TMEM240: variants seen among roughly 807,000 people sequenced by gnomAD.
TMEM240 encodes the protein transmembrane protein C1orf70.
A neutral mutation model predicts 19.5 loss-of-function variants in TMEM240; 3 were observed. The observed-to-expected ratio is 0.15, with a 90% CI of 0.07 to 0.40. The LOEUF is 0.40. Among genes scored for constraint, TMEM240 ranks in the 10% least tolerant of loss-of-function variants. The pLI, the probability that TMEM240 is intolerant of heterozygous loss-of-function variation, is 1.00. For missense variants in TMEM240, 210 were observed against 253.5 expected, an observed-to-expected ratio of 0.83 and a Z score of 1.17; for synonymous variants, 123 against 109.3, an observed-to-expected ratio of 1.13 and a Z score of -0.78.
chr1:1,537,240 G>A (rs1003095341), intron 2 of TMEM240, among the ~76,000 whole-genome samples: 1 of 152,002 alleles, frequency 6.6e-6, no homozygotes, highest in African/African-American at 2.4e-5. Flanking sequence ...TATCCGGAAA[G>A]TGGCCGCTTT....
chr1:1,539,520 A>C (rs1228529792), intron 2 of TMEM240, 164 bp downstream of exon 2: 3 of 626,014 alleles, frequency 4.8e-6, no homozygotes, highest in African/African-American at 1.9e-5. Flanking sequence ...CCCCCAGGAG[A>C]CCCCCGCCCA....
chr1:1,535,421 T>C lies in TMEM240; in HGVS notation c.460A>G (p.Asn154Asp), dbSNP rs1281313693. 5 of 1,549,430 alleles carry C rather than the reference T, an allele frequency of 3.2e-6. No homozygotes were observed. The highest frequency in any genetic ancestry group is 1.7e-4 in the Middle Eastern group (1 of 5,992). The change falls in exon 4 of 4, where the codon AAC becomes GAC. Residue 154 changes from asparagine (N) to aspartate (D), a missense_variant. Physicochemically the swap from Asn to Asp is conservative, Grantham distance 23. Transcript: ENST00000378733. This position sits in a 1 kb window ranked among gnomAD's most constrained non-coding sequence, Gnocchi z 8.2. ...PHRPFEEAAG[N>D]MVHVKQKLYH... Reference sequence around the variant, plus strand: ...AGTTTCTGCTTCACGTGTACCATGTTCCCGGCGGCCTCCTCGAAGGGCCTG... The same window carrying C: ...AGTTTCTGCTTCACGTGTACCATGTCCCCGGCGGCCTCCTCGAAGGGCCTG...
Position 1,535,226 on chromosome 1 carries a change from G to T in TMEM240, c.*133C>A. ...ACAGCACCTTCCACTGGACTCTCCC[G>T]GCCGGCCACAGCCCCGGACAACCTG... is the stretch of plus-strand genomic sequence containing the variant. On this transcript the variant is annotated 3_prime_UTR_variant, in exon 4 of 4. Transcript: ENST00000378733. This position sits in a 1 kb window ranked among gnomAD's most constrained non-coding sequence, Gnocchi z 8.2. 2 of 800,834 alleles carry T rather than the reference G, an allele frequency of 2.5e-6. No individual in the cohort carries two copies. Among genetic ancestry groups the T allele is most frequent in the South Asian group, 1.9e-5 (1 of 52,376 alleles). The allele number at this position is 800,834 out of a possible 1,614,324, so 49.6% of individuals were successfully genotyped here.
chr1:1,540,601 G>C lies in TMEM240; in HGVS notation c.-255C>G, dbSNP rs1351518315. 1 of 160,156 alleles carries C rather than the reference G, an allele frequency of 6.2e-6. No individual in the cohort carries two copies. The highest frequency in any genetic ancestry group is 1.3e-5 in the Non-Finnish European group (1 of 74,150). 9.9% of individuals were successfully genotyped at this position (160,156 alleles called of 1,614,324 possible). ...CGCTCCGCCCTCGGGTCCTCCCTGC[G>C]ATGCGCTCGGCTCGGCTCGACTCGG... On this transcript the variant is annotated 5_prime_UTR_variant, in exon 1 of 4. In the 5' UTR this introduces an upstream ATG that the reference lacks. Transcript: ENST00000378733.
At position 1,534,905 on chromosome 1, in the gene TMEM240, A is replaced by G. The variant is rs1036339770; in HGVS notation, c.*454T>C. On this transcript the variant is annotated 3_prime_UTR_variant, in exon 4 of 4. Coordinates refer to ENST00000378733, the MANE Select transcript of TMEM240 (RefSeq NM_001114748.2). ...TGCACCCCACCCTGTGGCTGTGCAC[A>G]CGCGGGTGCTCCCCTCGCCCCCCTC... 3.4e-5 allele frequency among the ~76,000 whole-genome samples: 5 copies of G among 146,498 alleles called. No homozygotes were observed. The highest frequency in any genetic ancestry group is 1.5e-5 in the Non-Finnish European group (1 of 67,890).
Position 1,540,507 on chromosome 1 carries a change from G to GC in TMEM240, c.-162dup, listed in dbSNP as rs1373985561. On this transcript the variant is annotated 5_prime_UTR_variant, in exon 1 of 4. Coordinates refer to ENST00000378733, the MANE Select transcript of TMEM240 (RefSeq NM_001114748.2). ...CCGGCACCGGCCGGGGGGAGGAGGC[G>GC]CGGGGGGGGGGGCGCCGGGGAGGGA... 1 of 168,078 alleles carries GC rather than the reference G, an allele frequency of 5.9e-6. No homozygotes were observed. Among genetic ancestry groups the GC allele is most frequent in the African/African-American group, 2.6e-5 (1 of 38,280 alleles). The allele number at this position is 168,078 out of a possible 1,614,324, so 10.4% of individuals were successfully genotyped here. A position where few individuals can be genotyped will look rare whatever the true frequency, so the allele number is the denominator to read the frequency against.
chr1:1,539,614 C>G, intron 2 of TMEM240, 70 bp downstream of exon 2: 2 of 1,390,836 alleles, frequency 1.4e-6, no homozygotes, highest in Non-Finnish European at 2.0e-6. Flanking sequence ...CTGGTTCCCC[C>G]GCGCCCCGAG....
At position 1,535,392 on chromosome 1, in the gene TMEM240, G is replaced by A. The variant is rs606231452; in HGVS notation, c.489C>T (p.Tyr163=). Residue 163 remains tyrosine (Y), a synonymous_variant, in exon 4 of 4, where the codon TAC becomes TAT. Coordinates refer to ENST00000378733, the MANE Select transcript of TMEM240 (RefSeq NM_001114748.2). This position sits in a 1 kb window ranked among gnomAD's most constrained non-coding sequence, Gnocchi z 8.2. ...GCCGCGGGCTGGGGTGGCCATTGTG[G>A]TAGAGTTTCTGCTTCACGTGTACCA... ...GNMVHVKQKL[Y]HNGHPSPRHL The A allele has an allele frequency of 1.3e-6, 2 of 1,549,896 alleles. No individual in the cohort carries two copies. The highest frequency in any genetic ancestry group is 1.7e-6 in the Non-Finnish European group (2 of 1,146,488).
chr1:1,540,122 C>G, intron 1 of TMEM240, among the ~76,000 whole-genome samples, 168 bp downstream of exon 1: 1 of 27,164 alleles, frequency 3.7e-5, no homozygotes, highest in Admixed American at 4.7e-4. Flanking sequence ...GAGCGGAGGC[C>G]GGGGTGGGGG....
intron 2 of TMEM240, among the ~76,000 whole-genome samples, chr1:1,538,126 G>A (rs1046288456): frequency 6.6e-6 from 1 of 152,226 alleles, no homozygotes; most frequent in Non-Finnish European, 1.5e-5. Context: ...ATCTTGACAT[G>A]TCCCTGAGCA....
Position 1,536,926 on chromosome 1 carries a change from T to TCGGTGA in TMEM240, c.165-1135_165-1130dup, listed in dbSNP as rs1351519383. The stretch of plus-strand genomic sequence containing the variant: ...GACCTGCTTCTCCCCCACCTTCCCC[T>TCGGTGA]CGGTGACGTAGCAGCGCCTCAGCCT... On this transcript the variant is annotated intron_variant, in intron 2 of 3. Transcript: ENST00000378733. The surrounding 1 kb of genome is among the most constrained non-coding windows in gnomAD (Gnocchi z 5.4). Among the ~76,000 whole-genome samples the TCGGTGA allele has an allele frequency of 1.3e-5, 2 of 151,710 alleles. No individual in the cohort carries two copies. The highest frequency in any genetic ancestry group is 2.9e-5 in the Non-Finnish European group (2 of 67,954).
In TMEM240 at chr1:1,535,619, C is replaced by T. The variant is rs1045410944; in HGVS notation, c.343G>A (p.Val115Met). 93 of 1,549,690 alleles carry T rather than the reference C, an allele frequency of 6.0e-5. No homozygotes were observed. The East Asian group carries it at 1.4e-3, about 24-fold the overall frequency. Residue 115 changes from valine (V) to methionine (M), a missense_variant, in exon 3 of 4, where the codon GTG becomes ATG. Coordinates refer to ENST00000378733, the MANE Select transcript of TMEM240 (RefSeq NM_001114748.2). The surrounding 1 kb of genome is among the most constrained non-coding windows in gnomAD (Gnocchi z 8.2). ...VWMDGVLHCA[V>M]RAWRAGRRYD... is the part of the protein sequence containing the mutation. Reference sequence around the variant, plus strand: ...CGCCGTCCGGCTCTCCAGGCGCGCACGGCGCAGTGCAGGACGCCGTCCATC... The same window carrying T: ...CGCCGTCCGGCTCTCCAGGCGCGCATGGCGCAGTGCAGGACGCCGTCCATC...
rs376390462 is a variant in TMEM240 at position 1,535,666 on chromosome 1, C to G, written c.296G>C (p.Cys99Ser). The G allele has an allele frequency of 1.3e-6, 2 of 1,550,184 alleles. No homozygotes were observed. Among genetic ancestry groups the G allele is most frequent in the African/African-American group, 1.4e-5 (1 of 73,156 alleles). ...CATCCACACCAGGAACCAGCTGATG[C>G]AAAAGCCCAGCAGCAGCCCCAGCAT... ...DLMLGLLLGF[C>S]ISWFLVWMDG... Residue 99 changes from cysteine to serine, a missense_variant, in exon 3 of 4, where the codon TGC (cysteine) becomes TCC (serine). This residue lies in a region of TMEM240 where 157 missense variants were observed against 168.2 expected (regional missense o/e 0.93). Transcript: ENST00000378733. This position sits in a 1 kb window ranked among gnomAD's most constrained non-coding sequence, Gnocchi z 8.2.
At chr1:1,537,182 G>C (rs1037230244) in intron 2 of TMEM240, among the ~76,000 whole-genome samples, 12 of 152,046 alleles carry the variant, frequency 7.9e-5, no homozygotes, top group African/African-American at 2.9e-4. Context: ...CGCTCCCCTT[G>C]AAGCCCTCCT....
chr1:1,539,553 G>A (rs529685619), intron 2 of TMEM240, 131 bp downstream of exon 2: 2 of 758,672 alleles, frequency 2.6e-6, no homozygotes, highest in African/African-American at 1.8e-5. Context: ...TCCTCCCCCT[G>A]CGCACCTGGC....
chr1:1,535,207 C>G lies in TMEM240; in HGVS notation c.*152G>C. 1 of 784,496 alleles carries G rather than the reference C, an allele frequency of 1.3e-6. No individual in the cohort carries two copies. 48.6% of individuals were successfully genotyped at this position (784,496 alleles called of 1,614,324 possible). A position where few individuals can be genotyped will look rare whatever the true frequency, so the allele number is the denominator to read the frequency against. ...CCCTTTATAAAAAGAAGAGACAGCA[C>G]CTTCCACTGGACTCTCCCGGCCGGC... is the stretch of plus-strand genomic sequence containing the variant. On this transcript the variant is annotated 3_prime_UTR_variant, in exon 4 of 4. Coordinates refer to ENST00000378733, the MANE Select transcript of TMEM240 (RefSeq NM_001114748.2). This position sits in a 1 kb window ranked among gnomAD's most constrained non-coding sequence, Gnocchi z 8.2.
Position 1,535,504 on chromosome 1 carries a change from C to A in TMEM240, c.377G>T (p.Gly126Val), listed in dbSNP as rs767697145. The stretch of plus-strand genomic sequence containing the variant: ...CAGCTTGGGCAGCCAGGTCCACGAG[C>A]CATCTGCGGGGGGACAGGGGCGGTC... ...RAWRAGRRYDGSWTWLPKLCS... is the reference protein window; with the variant it reads ...RAWRAGRRYDVSWTWLPKLCS... The change falls in exon 4 of 4, where the codon GGC (glycine) becomes GTC (valine). Residue 126 changes from glycine to valine, a missense_variant. This residue lies in a region of TMEM240 where 157 missense variants were observed against 168.2 expected (regional missense o/e 0.93). Coordinates refer to ENST00000378733, the MANE Select transcript of TMEM240 (RefSeq NM_001114748.2). The surrounding 1 kb of genome is among the most constrained non-coding windows in gnomAD (Gnocchi z 8.2). The A allele has an allele frequency of 1.3e-6, 2 of 1,546,186 alleles. No individual in the cohort carries two copies. Among genetic ancestry groups the A allele is most frequent in the South Asian group, 1.2e-5 (1 of 83,784 alleles).
At chr1:1,539,596 G>C (rs1277006154) in intron 2 of TMEM240, 88 bp downstream of exon 2, 10 of 1,193,392 alleles carry the variant, frequency 8.4e-6, no homozygotes, top group Non-Finnish European at 1.2e-5. Context: ...CTCGCGGCCT[G>C]CGTGGGGCTG....
rs1257052051 is a variant in TMEM240, at chr1:1,536,663, G to A, written c.165-866C>T. On this transcript the variant is annotated intron_variant, in intron 2 of 3. Transcript: ENST00000378733. This position sits in a 1 kb window ranked among gnomAD's most constrained non-coding sequence, Gnocchi z 5.4. Reference sequence around the variant, plus strand: ...GGAGCTCGCCCCAGCAGCTCACCCTGTCCCAGGAAGGTCTCCGGGCCTTGA... The same window carrying A: ...GGAGCTCGCCCCAGCAGCTCACCCTATCCCAGGAAGGTCTCCGGGCCTTGA... 2.6e-5 allele frequency among the ~76,000 whole-genome samples: 4 copies of A among 152,104 alleles called. No homozygotes were observed. The highest frequency in any genetic ancestry group is 2.0e-4 in the Admixed American group (3 of 15,280).
Sources: gnomAD v4.1 joint callset for allele counts (sites outside exome capture counted in the v4.1 genomes callset) on GRCh38, gnomAD v4.1.1 for gene constraint, gnomAD v4.1.1 regional missense constraint, Gnocchi (gnomAD v3.1) non-coding constraint, MANE v1.5 for transcripts, NCBI Gene and HGNC (gene_info 2026-07-23, HGNC 2026-07-21) for gene names.